GLDN: variants seen among roughly 807,000 people sequenced by gnomAD.
GLDN encodes gliomedin.
GLDN carries 47 observed loss-of-function variants against 56.5 expected under a neutral mutation model. The observed-to-expected ratio is 0.83, with a 90% CI of 0.66 to 1.06. The LOEUF is 1.06. Among genes scored for constraint, GLDN ranks in the 50% least tolerant of loss-of-function variants. GLDN has a pLI of 0.00. For synonymous variants in GLDN, 332 were observed against 278.8 expected, an observed-to-expected ratio of 1.19 and a Z score of -1.90; for missense variants, 782 against 714.3, an observed-to-expected ratio of 1.09 and a Z score of -1.08.
intron 1 of GLDN, among the ~76,000 whole-genome samples, chr15:51,370,450 T>C (rs2037492559): frequency 6.6e-6 from 1 of 152,238 alleles, no homozygotes; most frequent in Admixed American, 6.5e-5. Flanking sequence ...TTATGGCTAA[T>C]GAACAATTTG....
Position 51,404,415 on chromosome 15 carries a change from G to T in GLDN, c.1317G>T (p.Ala439=), listed in dbSNP as rs149359078. 5 of 1,614,032 alleles carry T rather than the reference G, an allele frequency of 3.1e-6. No individual in the cohort carries two copies. Among genetic ancestry groups the T allele is most frequent in the Admixed American group, 1.7e-5 (1 of 60,004 alleles). ...VDEKGLWIIY[A]SSVDGSSILV... ...AAAAGGGCCTTTGGATTATCTATGCGTCAAGTGTGGACGGCTCGAGCATTC... is the reference window on the plus strand; with the variant it reads ...AAAAGGGCCTTTGGATTATCTATGCTTCAAGTGTGGACGGCTCGAGCATTC... Residue 439 remains alanine (A), a synonymous_variant, in exon 10 of 10, where the codon GCG becomes GCT. Transcript: ENST00000335449.
rs760404008 is a variant in GLDN, at chr15:51,341,692, G to A, written c.8G>A (p.Arg3Gln). 9.9e-6 allele frequency: 14 copies of A among 1,419,518 alleles called. No homozygotes were observed. The highest frequency in any genetic ancestry group is 1.5e-5 in the African/African-American group (1 of 66,740). 87.9% of individuals were successfully genotyped at this position (1,419,518 alleles called of 1,614,324 possible). MA[R>Q]GAEGGRGDAG... Reference sequence around the variant, plus strand: ...GCCCAAGGCGCATAGAGCATGGCCCGAGGCGCTGAGGGAGGCCGTGGGGAC... The same window carrying A: ...GCCCAAGGCGCATAGAGCATGGCCCAAGGCGCTGAGGGAGGCCGTGGGGAC... The change falls in exon 1 of 10, where the codon CGA becomes CAA. Residue 3 changes from arginine to glutamine, a missense_variant. Physicochemically the swap from Arg to Gln is conservative, Grantham distance 43. Coordinates refer to ENST00000335449, the MANE Select transcript of GLDN (RefSeq NM_181789.4).
chr15:51,346,560 T>A (rs1473939905), intron 1 of GLDN, among the ~76,000 whole-genome samples: 1 of 152,248 alleles, frequency 6.6e-6, no homozygotes, highest in Non-Finnish European at 1.5e-5. Flanking sequence ...CTTACATTTT[T>A]AAAATATGAA....
chr15:51,343,658 G>A (rs2036926243), intron 1 of GLDN, among the ~76,000 whole-genome samples: 1 of 152,180 alleles, frequency 6.6e-6, no homozygotes, highest in South Asian at 2.1e-4. Flanking sequence ...ATTATTAGTA[G>A]ATTATCATCA....
At chr15:51,376,015 TTGA>T (rs1440198626) in intron 1 of GLDN, among the ~76,000 whole-genome samples, 6 of 152,222 alleles carry the variant, frequency 3.9e-5, no homozygotes, top group African/African-American at 1.4e-4. Context: ...GGAAATTCTC[TTGA>T]TGATGTTGAT....
chr15:51,383,923 CCT>C (rs1343904729), intron 4 of GLDN, 31 bp downstream of exon 4: 1 of 1,458,380 alleles, frequency 6.9e-7, no homozygotes, highest in South Asian at 1.2e-5. Flanking sequence ...AATTAATTTC[CCT>C]GTTATTTATC....
Position 51,341,867 on chromosome 15 carries a change from G to A in GLDN, c.183G>A (p.Glu61=), listed in dbSNP as rs759539065. The change falls in exon 1 of 10, where the codon GAG becomes GAA. Residue 61 remains glutamate, a synonymous_variant. Transcript: ENST00000335449. The part of the protein sequence containing the change: ...LEAQRGREQR[E]DSALRSFLAE... Reference sequence around the variant, plus strand: ...CGCAGCGGGGCCGGGAGCAGCGCGAGGACAGTGCCCTGCGCTCCTTCCTGG... The same window carrying A: ...CGCAGCGGGGCCGGGAGCAGCGCGAAGACAGTGCCCTGCGCTCCTTCCTGG... 1 of 1,555,540 alleles carries A rather than the reference G, an allele frequency of 6.4e-7. No individual in the cohort carries two copies. The highest frequency in any genetic ancestry group is 1.1e-5 in the South Asian group (1 of 87,012).
intron 9 of GLDN, among the ~76,000 whole-genome samples, chr15:51,403,317 C>T (rs187778896): frequency 1.6e-4 from 24 of 152,270 alleles, no homozygotes; most frequent in African/African-American, 5.8e-4. Context: ...AGGAGAACTC[C>T]TGTGTACTGA....
At chr15:51,354,096 A>G (rs900456819) in intron 1 of GLDN, among the ~76,000 whole-genome samples, 2 of 152,212 alleles carry the variant, frequency 1.3e-5, no homozygotes, top group African/African-American at 4.8e-5. Context: ...CCAACTAAAG[A>G]TCGTTCAAAA....
At position 51,406,333 on chromosome 15, in the gene GLDN, G is replaced by T. The variant is rs527479068; in HGVS notation, c.*1579G>T. 1 of 152,192 alleles carries T rather than the reference G, an allele frequency of 6.6e-6. No homozygotes were observed. Among genetic ancestry groups the T allele is most frequent in the Admixed American group, 6.5e-5 (1 of 15,286 alleles). 9.4% of individuals were successfully genotyped at this position (152,192 alleles called of 1,614,324 possible). A position where few individuals can be genotyped will look rare whatever the true frequency, so the allele number is the denominator to read the frequency against. ...GCCCCGGGAAGGGCCACTGCGAATAGAGAGGAAGCTGGAAAAGTTCCTGGG... is the reference window on the plus strand; with the variant it reads ...GCCCCGGGAAGGGCCACTGCGAATATAGAGGAAGCTGGAAAAGTTCCTGGG... On this transcript the variant is annotated 3_prime_UTR_variant, in exon 10 of 10. Coordinates refer to ENST00000335449, the MANE Select transcript of GLDN (RefSeq NM_181789.4).
In GLDN at chr15:51,401,528, G is replaced by A. The variant is rs138439438; in HGVS notation, c.1028-65G>A. The A allele has an allele frequency of 2.0e-4, 301 of 1,469,130 alleles. No homozygotes were observed. The African/African-American group carries it at 3.6e-3, about 18-fold the overall frequency. 91.0% of individuals were successfully genotyped at this position (1,469,130 alleles called of 1,614,324 possible). ...TCCCGCCTTTGAAATTCCTCCCAAGGACTCCCTCCCAAGCTGTGATTGCTG... is the reference window on the plus strand; with the variant it reads ...TCCCGCCTTTGAAATTCCTCCCAAGAACTCCCTCCCAAGCTGTGATTGCTG... On this transcript the variant is annotated intron_variant, in intron 8 of 9. Coordinates refer to ENST00000335449, the MANE Select transcript of GLDN (RefSeq NM_181789.4).
At chr15:51,364,707 A>T (rs2037366941) in intron 1 of GLDN, among the ~76,000 whole-genome samples, 1 of 152,158 alleles carries the variant, frequency 6.6e-6, no homozygotes, top group Admixed American at 6.5e-5. Context: ...GTCTTTGTCT[A>T]CTAATTTTTT....
chr15:51,373,891 A>T (rs2037568577), intron 1 of GLDN, among the ~76,000 whole-genome samples: 1 of 152,168 alleles, frequency 6.6e-6, no homozygotes, highest in African/African-American at 2.4e-5. Flanking sequence ...CCTTAATTTG[A>T]CCATCTAGAT....
intron 4 of GLDN, among the ~76,000 whole-genome samples, chr15:51,388,882 C>G (rs1472931416): frequency 1.3e-5 from 2 of 152,228 alleles, no homozygotes; most frequent in Non-Finnish European, 2.9e-5. Flanking sequence ...CAGACACGCT[C>G]CAATCTGAGC....
chr15:51,378,972 T>C lies in GLDN; in HGVS notation c.415+1472T>C, dbSNP rs539291566. 2.1e-3 allele frequency among the ~76,000 whole-genome samples: 325 copies of C among 152,296 alleles called. 1 individual carries two copies. Among genetic ancestry groups the C allele is most frequent in the Non-Finnish European group, 3.3e-3 (227 of 68,022 alleles). ...CAGAGCAGAACCTGGGCTTGGGGAC[T>C]GGGAACAAGGTTTAGCTTCCCACTG... On this transcript the variant is annotated intron_variant, in intron 2 of 9. Coordinates refer to ENST00000335449, the MANE Select transcript of GLDN (RefSeq NM_181789.4).
At chr15:51,358,595 AC>A (rs2037231469) in intron 1 of GLDN, among the ~76,000 whole-genome samples, 1 of 152,122 alleles carries the variant, frequency 6.6e-6, no homozygotes, top group African/African-American at 2.4e-5. Context: ...GTGATTGCAC[AC>A]CCTGGAAAGA....
rs543245182 is a variant in GLDN at position 51,389,740 on chromosome 15, A to G, written c.542-5095A>G. ...GAGAATTTGATTTTTCGAGACGGTA[A>G]CTGCAGCAGCATTAACCGCAGGGAG... On this transcript the variant is annotated intron_variant, in intron 4 of 9. Coordinates refer to ENST00000335449, the MANE Select transcript of GLDN (RefSeq NM_181789.4). 1.0e-3 allele frequency among the ~76,000 whole-genome samples: 155 copies of G among 152,282 alleles called. 3 individuals are homozygous for G. The highest frequency in any genetic ancestry group is 3.6e-3 in the African/African-American group (150 of 41,564).
intron 1 of GLDN, among the ~76,000 whole-genome samples, chr15:51,356,646 G>A (rs922094020): frequency 6.6e-6 from 1 of 152,126 alleles, no homozygotes; most frequent in Middle Eastern, 3.2e-3. Flanking sequence ...GAGTTCACTT[G>A]TGGCTCCCCA....
Position 51,404,431 on chromosome 15 carries a change from T to C in GLDN, c.1333T>C (p.Ser445Pro). 1.2e-6 allele frequency: 2 copies of C among 1,614,196 alleles called. No homozygotes were observed. The highest frequency in any genetic ancestry group is 1.7e-6 in the Non-Finnish European group (2 of 1,180,032). Residue 445 changes from serine (S) to proline (P), a missense_variant, in exon 10 of 10, where the codon TCG (serine) becomes CCG (proline). Ser to Pro is a moderately conservative substitution (Grantham distance 74). Coordinates refer to ENST00000335449, the MANE Select transcript of GLDN (RefSeq NM_181789.4). ...TATCTATGCGTCAAGTGTGGACGGC[T>C]CGAGCATTCTTGTAGCACAACTGGA... is the stretch of plus-strand genomic sequence containing the variant. ...WIIYASSVDG[S>P]SILVAQLDER...
Sources: allele counts gnomAD v4.1 joint callset (sites outside exome capture counted in the v4.1 genomes callset), GRCh38; gene constraint gnomAD v4.1.1; transcripts MANE v1.5; gene names NCBI Gene and HGNC (gene_info 2026-07-23, HGNC 2026-07-21).